Variants in MYO7B observed in about 807,000 individuals in gnomAD.
The protein encoded by MYO7B is myosin VIIB, also known as unconventional myosin-VIIb.
A neutral mutation model predicts 259.7 loss-of-function variants in MYO7B; 212 were observed. The observed-to-expected ratio is 0.82, with a 90% CI of 0.73 to 0.91. The LOEUF is 0.91. Ranked by LOEUF, MYO7B falls within the 40% of genes least tolerant of loss-of-function variation. MYO7B has a pLI of 0.00. For synonymous variants in MYO7B, 1,197 were observed against 1,166.4 expected (o/e 1.03, Z -0.54); for missense variants, 2,732 against 2,813.5 (o/e 0.97, Z 0.66).
chr2:127,629,725 T>A lies in MYO7B; in HGVS notation c.4705T>A (p.Trp1569Arg). The A allele has an allele frequency of 6.2e-7, 1 of 1,612,328 alleles. No homozygotes were observed. The highest frequency in any genetic ancestry group is 8.5e-7 in the Non-Finnish European group (1 of 1,179,448). Residue 1569 changes from tryptophan to arginine, a missense_variant, in exon 35 of 48, where the codon TGG becomes AGG. Trp to Arg is a moderately radical substitution (Grantham distance 101, BLOSUM62 -3). Coordinates refer to ENST00000409816, the MANE Select transcript of MYO7B (RefSeq NM_001393586.1). The stretch of plus-strand genomic sequence containing the variant: ...GCAGGGGCTGCTGGCCTCTGAGAAC[T>A]GGACCCTCGGCCAGAACGACAGGAC... ...KKQGLLASEN[W>R]TLGQNDRTGK...
intron 26 of MYO7B, chr2:127,620,053 C>T (rs777181881): frequency 1.1e-4 from 27 of 254,844 alleles, no homozygotes; most frequent in Middle Eastern, 1.2e-3. Flanking sequence ...GTGCAAAGGG[C>T]GCGGCTGCTG....
intron 15 of MYO7B, among the ~76,000 whole-genome samples, chr2:127,589,258 G>A (rs1232707303): frequency 7.4e-6 from 1 of 135,870 alleles, no homozygotes; most frequent in Non-Finnish European, 1.6e-5. Flanking sequence ...TGTGTGGGTG[G>A]GTGAGTGGAT....
chr2:127,537,709 G>A (rs13425641), intron 1 of MYO7B, among the ~76,000 whole-genome samples: 128,155 of 151,328 alleles, frequency 0.85, 54,244 homozygotes, highest in East Asian at 0.99. Flanking sequence ...GAGGAGGAGG[G>A]GGAGGAGAAG....
At position 127,580,796 on chromosome 2, in the gene MYO7B, T is replaced by A. The variant is rs939729297; in HGVS notation, c.1054T>A (p.Phe352Ile). The A allele has an allele frequency of 1.9e-6, 3 of 1,613,468 alleles. No individual in the cohort carries two copies. Among genetic ancestry groups the A allele is most frequent in the Non-Finnish European group, 2.5e-6 (3 of 1,179,702 alleles). ...CTCAGACGTGATGGAGACGCCCGCCTTTCCCACCGTGATGAAGTTACTGGA... is the reference window on the plus strand; with the variant it reads ...CTCAGACGTGATGGAGACGCCCGCCATTCCCACCGTGATGAAGTTACTGGA... ...DASDVMETPAFPTVMKLLEVQ... is the reference protein window; with the variant it reads ...DASDVMETPAIPTVMKLLEVQ... The change falls in exon 10 of 48, where the codon TTT becomes ATT. Residue 352 changes from phenylalanine (F) to isoleucine (I), a missense_variant. Phe to Ile is a conservative substitution (Grantham distance 21). Transcript: ENST00000409816.
In MYO7B at chr2:127,565,323, G is replaced by A. The variant is rs1161525455; in HGVS notation, c.223G>A (p.Asp75Asn). ...TGTGGACGACATGATCCGCCTGGGG[G>A]ACCTGAACGAGGCAGGCATGGTGCA... ...QGVDDMIRLG[D>N]LNEAGMVHNL... The change falls in exon 4 of 48, where the codon GAC becomes AAC. Residue 75 changes from aspartate to asparagine, a missense_variant. Coordinates refer to ENST00000409816, the MANE Select transcript of MYO7B (RefSeq NM_001393586.1). The A allele has an allele frequency of 6.2e-7, 1 of 1,614,046 alleles. No individual in the cohort carries two copies. Among genetic ancestry groups the A allele is most frequent in the Non-Finnish European group, 8.5e-7 (1 of 1,179,890 alleles).
intron 5 of MYO7B, among the ~76,000 whole-genome samples, chr2:127,568,003 T>C (rs1349899264): frequency 1.3e-5 from 2 of 152,192 alleles, no homozygotes; most frequent in Non-Finnish European, 2.9e-5. Flanking sequence ...TCACATTTCA[T>C]GTCCTCAGCA....
intron 6 of MYO7B, among the ~76,000 whole-genome samples, chr2:127,571,936 AT>A (rs1678650940): frequency 6.6e-6 from 1 of 151,996 alleles, no homozygotes; most frequent in African/African-American, 2.4e-5. Flanking sequence ...ATGAAGTTCA[AT>A]TTTTCCTTTT....
intron 1 of MYO7B, among the ~76,000 whole-genome samples, chr2:127,547,824 G>A (rs1006648525): frequency 1.3e-5 from 2 of 152,150 alleles, no homozygotes; most frequent in African/African-American, 2.4e-5. Context: ...TTAGAGTAAC[G>A]CTGGCCTCAT....
chr2:127,597,658 A>C lies in MYO7B; in HGVS notation c.2339+1102A>C, dbSNP rs773429669. 7.0e-6 allele frequency among the ~76,000 whole-genome samples: 1 copy of C among 143,768 alleles called. No individual in the cohort carries two copies. The highest frequency in any genetic ancestry group is 1.5e-5 in the Non-Finnish European group (1 of 66,574). The allele number at this position is 143,768 out of a possible 152,430, so 94.3% of individuals were successfully genotyped here. A position where few individuals can be genotyped will look rare whatever the true frequency, so the allele number is the denominator to read the frequency against. ...ATTTATTTATTTATTTATTTGAAAC[A>C]AAGTCTCACTCAGTCAACCAGGCTG... On this transcript the variant is annotated intron_variant, in intron 19 of 47. Transcript: ENST00000409816. This position sits in a 1 kb window ranked among gnomAD's most constrained non-coding sequence, Gnocchi z 4.8.
At chr2:127,598,372 G>A (rs1229538571) in intron 19 of MYO7B, among the ~76,000 whole-genome samples, 1 of 152,202 alleles carries the variant, frequency 6.6e-6, no homozygotes, top group African/African-American at 2.4e-5. Flanking sequence ...CTTTGTGTGT[G>A]CTTGTCATGT....
In MYO7B at chr2:127,539,770, G is replaced by A. The variant is rs1368848265; in HGVS notation, c.-24+3939G>A. Among the ~76,000 whole-genome samples, 1 of 151,734 alleles carries A rather than the reference G, an allele frequency of 6.6e-6. No individual in the cohort carries two copies. The highest frequency in any genetic ancestry group is 2.1e-4 in the South Asian group (1 of 4,824). On this transcript the variant is annotated intron_variant, in intron 1 of 47. Coordinates refer to ENST00000409816, the MANE Select transcript of MYO7B (RefSeq NM_001393586.1). The surrounding 1 kb of genome is among the most constrained non-coding windows in gnomAD (Gnocchi z 4.0). ...CAGTGGTGATTTGTGAGATTTTTTT[G>A]CACCTATCACCACAGCAGTGTACAC...
At chr2:127,536,479 T>C (rs199674896) in intron 1 of MYO7B, among the ~76,000 whole-genome samples, 1 of 27,066 alleles carries the variant, frequency 3.7e-5, no homozygotes, top group Non-Finnish European at 8.6e-5. Flanking sequence ...GGGGGGGGGG[T>C]GGGGGAAGAG....
Position 127,590,004 on chromosome 2 carries a change from T to C in MYO7B, c.1855-88T>C. 2 of 1,461,188 alleles carry C rather than the reference T, an allele frequency of 1.4e-6. No individual in the cohort carries two copies. Among genetic ancestry groups the C allele is most frequent in the Non-Finnish European group, 1.9e-6 (2 of 1,077,150 alleles). The allele number at this position is 1,461,188 out of a possible 1,614,324, so 90.5% of individuals were successfully genotyped here. On this transcript the variant is annotated intron_variant, in intron 15 of 47. Transcript: ENST00000409816. The surrounding 1 kb of genome is among the most constrained non-coding windows in gnomAD (Gnocchi z 4.6). ...GATGCACCACCCCACCTGTGGGGCC[T>C]TGGCCGCAACCCTTGCTGGCCTACA...
intron 43 of MYO7B, 125 bp from the exon 44 acceptor site, chr2:127,635,597 C>T (rs754931005): frequency 8.6e-5 from 91 of 1,059,980 alleles, no homozygotes; most frequent in Non-Finnish European, 2.0e-5. Context: ...AACTCTCTAC[C>T]CTGCTCAGTC....
rs376012307 is a variant in MYO7B, at chr2:127,620,394, C to T, written c.3453C>T (p.Ser1151=). ...CKQLSENFKT[S]SLARGWILLS... The stretch of plus-strand genomic sequence containing the variant: ...AGCTCTCGGAGAACTTCAAAACAAG[C>T]AGCCTGGCCCGGGGCTGGATCCTGC... Residue 1151 remains serine, a synonymous_variant, in exon 27 of 48, where the codon AGC becomes AGT. Coordinates refer to ENST00000409816, the MANE Select transcript of MYO7B (RefSeq NM_001393586.1). 6.2e-7 allele frequency: 1 copy of T among 1,612,494 alleles called. No homozygotes were observed. Among genetic ancestry groups the T allele is most frequent in the Non-Finnish European group, 8.5e-7 (1 of 1,178,774 alleles).
rs1241727982 is a variant in MYO7B at position 127,637,652 on chromosome 2, A to ATGAC, written c.*244_*247dup. On this transcript the variant is annotated 3_prime_UTR_variant, in exon 48 of 48. Transcript: ENST00000409816. ...TCTCGGACCCCCAGGCTATTGGTGGATGACTGACTGACAGGACACCTCCCA... is the reference window on the plus strand; with the variant it reads ...TCTCGGACCCCCAGGCTATTGGTGGATGACTGACTGACTGACAGGACACCTCCCA... The ATGAC allele has an allele frequency of 1.1e-5, 5 of 439,026 alleles. No individual in the cohort carries two copies. Among genetic ancestry groups the ATGAC allele is most frequent in the Middle Eastern group, 5.8e-4 (1 of 1,730 alleles). The allele number at this position is 439,026 out of a possible 1,614,324, so 27.2% of individuals were successfully genotyped here.
chr2:127,576,485 A>G lies in MYO7B; in HGVS notation c.736-110A>G. On this transcript the variant is annotated intron_variant, in intron 7 of 47. Transcript: ENST00000409816. This position sits in a 1 kb window ranked among gnomAD's most constrained non-coding sequence, Gnocchi z 4.9. ...TCAGTGCCAGAGCTGCTCCTGGCTG[A>G]GAGATGTGGAGCGGAGGCCAGGGCT... is the stretch of plus-strand genomic sequence containing the variant. The G allele has an allele frequency of 1.6e-6, 1 of 615,726 alleles. No individual in the cohort carries two copies. The highest frequency in any genetic ancestry group is 3.2e-5 in the East Asian group (1 of 31,454). 38.1% of individuals were successfully genotyped at this position (615,726 alleles called of 1,614,324 possible).
chr2:127,629,509 C>A, intron 34 of MYO7B, 136 bp from the exon 35 acceptor site: 1 of 786,218 alleles, frequency 1.3e-6, no homozygotes, highest in Non-Finnish European at 1.9e-6. Context: ...GTCCCACCAT[C>A]GCTCACTCTT....
intron 26 of MYO7B, among the ~76,000 whole-genome samples, chr2:127,617,492 T>A (rs955415813): frequency 1.6e-5 from 2 of 123,950 alleles, no homozygotes; most frequent in African/African-American, 6.5e-5. Context: ...ACGGGGTTTT[T>A]TTTTTTTTTT....
Sources: gnomAD v4.1 joint callset for allele counts (sites outside exome capture counted in the v4.1 genomes callset) on GRCh38, gnomAD v4.1.1 for gene constraint, Gnocchi (gnomAD v3.1) non-coding constraint, MANE v1.5 for transcripts, NCBI Gene and HGNC (gene_info 2026-07-23, HGNC 2026-07-21) for gene names.